FAM13A: variants seen among roughly 807,000 people sequenced by gnomAD.
FAM13A encodes the protein family with sequence similarity 13 member A.
In FAM13A, 76 loss-of-function variants were observed where a neutral mutation model predicts 129.6. The observed-to-expected ratio is 0.59, with a 90% confidence interval of 0.49 to 0.71. FAM13A has a LOEUF of 0.71. Ranked by LOEUF, FAM13A falls within the 30% of genes least tolerant of loss-of-function variation. The pLI is 0.00. For missense variants in FAM13A, 1,108 were observed against 1,249.3 expected (o/e 0.89, Z 1.70); for synonymous variants, 443 against 449.9 (o/e 0.98, Z 0.20).
chr4:88,869,442 C>T (rs10049947), intron 6 of FAM13A, among the ~76,000 whole-genome samples: 87,421 of 151,906 alleles, frequency 0.58, 26,714 homozygotes, highest in East Asian at 0.82. Flanking sequence ...AGTTATCCAG[C>T]CCCAGGGCCT....
At chr4:88,849,411 T>C (rs1737181171) in intron 7 of FAM13A, among the ~76,000 whole-genome samples, 1 of 152,194 alleles carries the variant, frequency 6.6e-6, no homozygotes, top group Non-Finnish European at 1.5e-5. Flanking sequence ...TGGCTTCGTA[T>C]TACCTCTGGG....
At chr4:88,767,405 C>CT (rs1745894805) in intron 13 of FAM13A, 148 bp downstream of exon 13, 4 of 462,988 alleles carry the variant, frequency 8.6e-6, no homozygotes, top group Non-Finnish European at 1.5e-5. Flanking sequence ...CTCAAGGAAT[C>CT]TTTAAGTTTG....
chr4:88,729,174 A>T (rs1737076811), intron 23 of FAM13A: 1 of 151,036 alleles, frequency 6.6e-6, no homozygotes, highest in Admixed American at 6.7e-5. Context: ...AGCCTTTATT[A>T]TTGAGTAACT....
intron 3 of FAM13A, among the ~76,000 whole-genome samples, chr4:88,993,122 C>A (rs1487005797): frequency 6.6e-6 from 1 of 152,160 alleles, no homozygotes; most frequent in Non-Finnish European, 1.5e-5. Context: ...GTTCTGCTAC[C>A]TACTACTTAT....
At chr4:88,984,113 G>T (rs1306974854) in intron 4 of FAM13A, among the ~76,000 whole-genome samples, 1 of 152,118 alleles carries the variant, frequency 6.6e-6, no homozygotes, top group Non-Finnish European at 1.5e-5. Context: ...GAGGAATGAA[G>T]TTAGACTCCT....
At chr4:88,972,313 T>A (rs938788233) in intron 4 of FAM13A, among the ~76,000 whole-genome samples, 6 of 114,976 alleles carry the variant, frequency 5.2e-5, no homozygotes, top group Non-Finnish European at 9.3e-5. Flanking sequence ...TTTTTTTTTT[T>A]TTTTTTGAGA....
chr4:88,974,563 C>T (rs550678344), intron 4 of FAM13A, among the ~76,000 whole-genome samples: 8 of 152,028 alleles, frequency 5.3e-5, no homozygotes, highest in South Asian at 4.2e-4. Context: ...CTGCAACCTC[C>T]GCCTCCTGGG....
intron 11 of FAM13A, among the ~76,000 whole-genome samples, chr4:88,780,441 G>A (rs1722636065): frequency 6.6e-6 from 1 of 152,056 alleles, no homozygotes; most frequent in Non-Finnish European, 1.5e-5. Flanking sequence ...TTTATCTTCA[G>A]GTTTTTGGGT....
chr4:89,015,857 T>C (rs930053829), intron 3 of FAM13A, among the ~76,000 whole-genome samples: 1 of 152,108 alleles, frequency 6.6e-6, no homozygotes. Flanking sequence ...CAGATATACA[T>C]ATACATATAT....
chr4:88,945,453 T>C (rs992973077), intron 4 of FAM13A, among the ~76,000 whole-genome samples: 5 of 152,172 alleles, frequency 3.3e-5, no homozygotes, highest in Non-Finnish European at 7.3e-5. Context: ...GTAGTAAGAC[T>C]CTTGCCCCTC....
chr4:88,874,351 T>C (rs1741990230), intron 6 of FAM13A, among the ~76,000 whole-genome samples: 1 of 152,192 alleles, frequency 6.6e-6, no homozygotes, highest in South Asian at 2.1e-4. Context: ...AGTCAAAGTG[T>C]CTCTGTTTGC....
chr4:88,837,552 C>T (rs1229082626), intron 7 of FAM13A, among the ~76,000 whole-genome samples: 1 of 150,886 alleles, frequency 6.6e-6, no homozygotes, highest in Non-Finnish European at 1.5e-5. Context: ...CCCGTCTGTA[C>T]TAAAAATACA....
chr4:88,860,699 T>C (rs1481423994), intron 6 of FAM13A, among the ~76,000 whole-genome samples: 1 of 152,216 alleles, frequency 6.6e-6, no homozygotes, highest in Non-Finnish European at 1.5e-5. Flanking sequence ...CATTTATTCC[T>C]AATCCAAGCT....
chr4:88,910,789 A>G (rs2150254026), intron 5 of FAM13A, among the ~76,000 whole-genome samples: 1 of 151,982 alleles, frequency 6.6e-6, no homozygotes, highest in East Asian at 1.9e-4. Flanking sequence ...AGCTGGGACT[A>G]CAGGCACGCG....
chr4:88,975,202 T>C (rs1760733054), intron 4 of FAM13A, among the ~76,000 whole-genome samples: 1 of 152,102 alleles, frequency 6.6e-6, no homozygotes, highest in Non-Finnish European at 1.5e-5. Context: ...ACAAAGCTGA[T>C]TCGTAACAGA....
chr4:88,945,990 G>GTGTGTGTATATGTATATATATA, intron 4 of FAM13A, among the ~76,000 whole-genome samples: 1 of 61,964 alleles, frequency 1.6e-5, no homozygotes, highest in South Asian at 6.1e-4. Flanking sequence ...GTGTGTGTGT[G>GTGTGTGTATATGTATATATATA]TATATATATA....
chr4:88,854,838 G>C (rs1241259950), intron 6 of FAM13A, among the ~76,000 whole-genome samples: 1 of 152,196 alleles, frequency 6.6e-6, no homozygotes, highest in Non-Finnish European at 1.5e-5. Context: ...ACAAATGAAT[G>C]TTCTTTGAGA....
chr4:88,828,137 TTTTG>T (rs1246973008), intron 7 of FAM13A, among the ~76,000 whole-genome samples: 9 of 152,122 alleles, frequency 5.9e-5, no homozygotes, highest in African/African-American at 1.2e-4. Flanking sequence ...AGAAATGTTT[TTTTG>T]TTTGTTTGTT....
intron 6 of FAM13A, among the ~76,000 whole-genome samples, chr4:88,875,324 C>T (rs1742205568): frequency 6.6e-6 from 1 of 152,052 alleles, no homozygotes; most frequent in South Asian, 2.1e-4. Flanking sequence ...TTCTGCAAAG[C>T]AAAAGAAACT....
Sources: allele counts gnomAD v4.1 joint callset (sites outside exome capture counted in the v4.1 genomes callset), GRCh38; gene constraint gnomAD v4.1.1; transcripts MANE v1.5; gene names NCBI Gene and HGNC (gene_info 2026-07-23, HGNC 2026-07-21).